The following EFHC1 variants were observed in gnomAD, a reference collection of about 807,000 sequenced individuals.
The protein encoded by EFHC1 is EF-hand domain containing 1.
Under a neutral mutation model 69.9 loss-of-function variants are expected in EFHC1, and 53 were observed. The observed-to-expected ratio is 0.76, with a 90% CI of 0.61 to 0.95. EFHC1 has a LOEUF of 0.95. Among genes scored for constraint, EFHC1 ranks in the 40% least tolerant of loss-of-function variants. The pLI is 0.00. For missense variants in EFHC1, 739 were observed against 798.7 expected (o/e 0.93, Z 0.90); for synonymous variants, 256 against 278.4 (o/e 0.92, Z 0.80).
In EFHC1 at chr6:52,478,744, TA is replaced by T. The variant is rs532456361; in HGVS notation, c.1279-291del. Among the ~76,000 whole-genome samples the T allele has an allele frequency of 1.9e-3, 291 of 152,278 alleles. 3 individuals are homozygous for T. The highest frequency in any genetic ancestry group is 6.8e-3 in the African/African-American group (284 of 41,552). On this transcript the variant is annotated intron_variant, in intron 7 of 10. Coordinates refer to ENST00000371068, the MANE Select transcript of EFHC1 (RefSeq NM_018100.4). ...GTACTTTAAAATCAGAGGTTTAAAA[TA>T]ATAATCCACATTTTTATCTTTTGAA...
chr6:52,463,433 C>G (rs1398720607), intron 5 of EFHC1, among the ~76,000 whole-genome samples: 1 of 152,052 alleles, frequency 6.6e-6, no homozygotes, highest in Non-Finnish European at 1.5e-5. Flanking sequence ...ACAAAAAATC[C>G]AGCAGATCCA....
At chr6:52,439,421 C>T (rs1281528499) in intron 3 of EFHC1, among the ~76,000 whole-genome samples, 1 of 152,082 alleles carries the variant, frequency 6.6e-6, no homozygotes, top group Non-Finnish European at 1.5e-5. Flanking sequence ...TGCATGCCTG[C>T]TTTGTTCCAT....
intron 3 of EFHC1, among the ~76,000 whole-genome samples, chr6:52,439,666 G>A (rs1581819848): frequency 1.3e-5 from 2 of 152,162 alleles, no homozygotes; most frequent in African/African-American, 4.8e-5. Flanking sequence ...AATGGAAGTT[G>A]AGGGGCTCTT....
At chr6:52,442,452 C>A (rs9474223) in intron 3 of EFHC1, among the ~76,000 whole-genome samples, 1 of 151,950 alleles carries the variant, frequency 6.6e-6, no homozygotes, top group South Asian at 2.1e-4. Context: ...CCACACCCCC[C>A]ACCCTATGAC....
intron 4 of EFHC1, chr6:52,453,741 A>T: frequency 8.0e-7 from 1 of 1,242,344 alleles, no homozygotes; most frequent in Non-Finnish European, 1.0e-6. Context: ...TATAAACCAT[A>T]TTCACATGTA....
rs532308779 is a variant in EFHC1 at position 52,492,690 on chromosome 6, A to C, written c.*349A>C. The C allele has an allele frequency of 9.0e-6, 4 of 444,220 alleles. No individual in the cohort carries two copies. Among genetic ancestry groups the C allele is most frequent in the Admixed American group, 7.4e-5 (3 of 40,658 alleles). 27.5% of individuals were successfully genotyped at this position (444,220 alleles called of 1,614,324 possible). A position where few individuals can be genotyped will look rare whatever the true frequency, so the allele number is the denominator to read the frequency against. On this transcript the variant is annotated 3_prime_UTR_variant, in exon 11 of 11. Coordinates refer to ENST00000371068, the MANE Select transcript of EFHC1 (RefSeq NM_018100.4). Reference sequence around the variant, plus strand: ...AGTGTGGTGGCACTATCCTAGTTCTATGAAGCCTCAGACTCCTGGGCTCAA... The same window carrying C: ...AGTGTGGTGGCACTATCCTAGTTCTCTGAAGCCTCAGACTCCTGGGCTCAA...
intron 3 of EFHC1, among the ~76,000 whole-genome samples, chr6:52,442,009 C>G (rs1246949499): frequency 6.6e-6 from 1 of 152,064 alleles, no homozygotes; most frequent in Non-Finnish European, 1.5e-5. Context: ...GGATGAGGCT[C>G]TGGAGTTTTC....
intron 5 of EFHC1, among the ~76,000 whole-genome samples, chr6:52,459,395 T>G (rs752431812): frequency 2.0e-5 from 3 of 152,058 alleles, no homozygotes; most frequent in African/African-American, 2.4e-5. Flanking sequence ...AAAAAATAGG[T>G]AAAGGATTAG....
intron 7 of EFHC1, among the ~76,000 whole-genome samples, chr6:52,478,289 G>C (rs866419899): frequency 1.3e-4 from 19 of 151,928 alleles, no homozygotes; most frequent in African/African-American, 3.9e-4. Context: ...GTGGGAGGAG[G>C]GGGGAGGGAT....
chr6:52,468,982 T>G (rs943686502), intron 6 of EFHC1: 1 of 307,104 alleles, frequency 3.3e-6, no homozygotes, highest in Non-Finnish European at 6.2e-6. Flanking sequence ...TAAAAAGATT[T>G]TGTGGAGGTA....
chr6:52,426,923 T>C (rs1296508356), intron 2 of EFHC1, among the ~76,000 whole-genome samples: 1 of 152,208 alleles, frequency 6.6e-6, no homozygotes. Flanking sequence ...GTTTATTCTC[T>C]AGAGTTCAGC....
intron 5 of EFHC1, among the ~76,000 whole-genome samples, chr6:52,462,213 A>G (rs960104075): frequency 1.3e-5 from 2 of 151,986 alleles, no homozygotes; most frequent in African/African-American, 4.8e-5. Context: ...CAGATAACCC[A>G]TGAGTTAAAA....
intron 3 of EFHC1, among the ~76,000 whole-genome samples, chr6:52,447,990 G>T (rs943682544): frequency 2.0e-5 from 3 of 152,238 alleles, no homozygotes; most frequent in Non-Finnish European, 4.4e-5. Flanking sequence ...CTACTGGGAG[G>T]TGTCTCCCAG....
chr6:52,457,782 T>C (rs1765077007), intron 5 of EFHC1, among the ~76,000 whole-genome samples: 3 of 152,226 alleles, frequency 2.0e-5, no homozygotes, highest in Admixed American at 1.3e-4. Flanking sequence ...TAGTTTGATC[T>C]TGCCCTTGCC....
intron 3 of EFHC1, among the ~76,000 whole-genome samples, chr6:52,440,021 T>C (rs908336762): frequency 1.3e-5 from 2 of 152,142 alleles, no homozygotes; most frequent in Non-Finnish European, 1.5e-5. Context: ...TTATGGGCAA[T>C]TTGAACATTT....
At chr6:52,488,555 A>T (rs1018925229) in intron 9 of EFHC1, 1 of 152,198 alleles carries the variant, frequency 6.6e-6, no homozygotes, top group African/African-American at 2.4e-5. Flanking sequence ...TTCACTTGAT[A>T]GTCTATCATG....
At chr6:52,423,170 T>C (rs1002705428) in intron 1 of EFHC1, among the ~76,000 whole-genome samples, 4 of 152,164 alleles carry the variant, frequency 2.6e-5, no homozygotes, top group Admixed American at 6.5e-5. Flanking sequence ...TCCAAAGAGT[T>C]GTAAGAATGT....
At chr6:52,434,715 T>C (rs1764492680) in intron 2 of EFHC1, among the ~76,000 whole-genome samples, 1 of 152,210 alleles carries the variant, frequency 6.6e-6, no homozygotes, top group African/African-American at 2.4e-5. Flanking sequence ...TCTGCCATGA[T>C]TCCAGGGAAA....
At chr6:52,463,190 G>A (rs1462632967) in intron 5 of EFHC1, among the ~76,000 whole-genome samples, 2 of 118,314 alleles carry the variant, frequency 1.7e-5, no homozygotes, top group Admixed American at 1.0e-4. Flanking sequence ...ACCACACCCA[G>A]CTAATTTTTT....
Sources: gnomAD v4.1 joint callset for allele counts (sites outside exome capture counted in the v4.1 genomes callset) on GRCh38, gnomAD v4.1.1 for gene constraint, MANE v1.5 for transcripts, NCBI Gene and HGNC (gene_info 2026-07-23, HGNC 2026-07-21) for gene names.